ROBO1: variants seen among roughly 807,000 people sequenced by gnomAD.
ROBO1 encodes roundabout guidance receptor 1.
A neutral mutation model predicts 195.9 loss-of-function variants in ROBO1; 149 were observed. That is an observed-to-expected ratio of 0.76 (90% CI 0.67 to 0.87). The LOEUF is 0.87. Ranked by LOEUF, ROBO1 falls within the 40% of genes least tolerant of loss-of-function variation. ROBO1 has a pLI of 0.00. For synonymous variants in ROBO1, 816 were observed against 733.2 expected (o/e 1.11, Z -1.82); for missense variants, 1,933 against 2,068.3 (o/e 0.93, Z 1.27).
intron 3 of ROBO1, among the ~76,000 whole-genome samples, chr3:78,988,199 C>A (rs765559837): frequency 5.9e-5 from 9 of 152,034 alleles, no homozygotes; most frequent in Non-Finnish European, 1.0e-4. Context: ...CTTTTTCTCT[C>A]ATTCTTTTAC....
chr3:79,180,070 C>A (rs1444433797), intron 2 of ROBO1, among the ~76,000 whole-genome samples: 1 of 152,130 alleles, frequency 6.6e-6, no homozygotes, highest in East Asian at 1.9e-4. Flanking sequence ...TGCCTTGAGT[C>A]GTGACTTCTA....
chr3:79,711,983 A>G (rs1702296897), intron 1 of ROBO1, among the ~76,000 whole-genome samples: 1 of 151,954 alleles, frequency 6.6e-6, no homozygotes, highest in Non-Finnish European at 1.5e-5. Flanking sequence ...TTAATTGATC[A>G]ATGTTGTGTG....
intron 2 of ROBO1, among the ~76,000 whole-genome samples, chr3:79,387,717 G>A (rs1306022697): frequency 1.3e-5 from 2 of 151,956 alleles, no homozygotes; most frequent in Non-Finnish European, 2.9e-5. Flanking sequence ...TGTAATGAAA[G>A]GTAGTAAAAA....
At position 79,752,733 on chromosome 3, in the gene ROBO1, T is replaced by C. The variant is rs370237581; in HGVS notation, c.-51+15019A>G. On this transcript the variant is annotated intron_variant, in intron 1 of 30. Coordinates refer to ENST00000464233, the MANE Select transcript of ROBO1 (RefSeq NM_002941.4). ...AAGGAGAGGCTATAATTATGGAAAA[T>C]AGGTAGGGAGTCCGCTACAAAATTC... Among the ~76,000 whole-genome samples, 4 of 151,878 alleles carry C rather than the reference T, an allele frequency of 2.6e-5. No individual in the cohort carries two copies. In the East Asian group the frequency reaches 7.8e-4, roughly 29 times the overall value.
At chr3:79,306,383 A>ATTT (rs150184707) in intron 2 of ROBO1, among the ~76,000 whole-genome samples, 3 of 151,664 alleles carry the variant, frequency 2.0e-5, no homozygotes, top group African/African-American at 7.2e-5. Context: ...CAAGATATCA[A>ATTT]TTTTTTTTTA....
rs539318372 is a variant in ROBO1, at chr3:79,492,543, T to C, written c.88+97281A>G. Among the ~76,000 whole-genome samples, 4 of 151,796 alleles carry C rather than the reference T, an allele frequency of 2.6e-5. No individual in the cohort carries two copies. The South Asian group carries it at 8.3e-4, about 32-fold the overall frequency. The stretch of plus-strand genomic sequence containing the variant: ...AACTTAAAGATATAATATATAAATA[T>C]ACACACATAGGCATATGTAGGTATG... On this transcript the variant is annotated intron_variant, in intron 2 of 30. Coordinates refer to ENST00000464233, the MANE Select transcript of ROBO1 (RefSeq NM_002941.4).
At chr3:78,855,622 A>AT (rs1246714312) in intron 4 of ROBO1, among the ~76,000 whole-genome samples, 1 of 152,194 alleles carries the variant, frequency 6.6e-6, no homozygotes, top group Non-Finnish European at 1.5e-5. Context: ...TGCTTTACTT[A>AT]TTATTATGTG....
intron 2 of ROBO1, among the ~76,000 whole-genome samples, chr3:79,574,334 T>C (rs1943377857): frequency 6.6e-6 from 1 of 152,088 alleles, no homozygotes; most frequent in East Asian, 1.9e-4. Context: ...CTGTTTGTGT[T>C]TTTCGTGCAC....
intron 4 of ROBO1, among the ~76,000 whole-genome samples, chr3:78,791,710 T>C (rs148808746): frequency 4.5e-4 from 69 of 152,348 alleles, no homozygotes; most frequent in African/African-American, 1.6e-3. Context: ...TATACATCCA[T>C]TTCTTTATCC....
At chr3:79,546,583 G>C (rs1942272704) in intron 2 of ROBO1, among the ~76,000 whole-genome samples, 1 of 152,112 alleles carries the variant, frequency 6.6e-6, no homozygotes, top group Non-Finnish European at 1.5e-5. Context: ...ACTTTTCTCA[G>C]AAAAAGAAAG....
intron 3 of ROBO1, among the ~76,000 whole-genome samples, chr3:78,973,025 C>T (rs1576494041): frequency 6.6e-6 from 1 of 152,182 alleles, no homozygotes; most frequent in East Asian, 1.9e-4. Flanking sequence ...CCAGAGCACA[C>T]TGATGGCACT....
At chr3:78,608,488 T>C (rs1006070931) in intron 28 of ROBO1, among the ~76,000 whole-genome samples, 1 of 152,208 alleles carries the variant, frequency 6.6e-6, no homozygotes, top group Non-Finnish European at 1.5e-5. Flanking sequence ...ATTTTTTTAA[T>C]CAGTGCTATC....
intron 18 of ROBO1, 135 bp from the exon 19 acceptor site, chr3:78,652,064 C>A: frequency 1.4e-6 from 1 of 698,218 alleles, no homozygotes. Context: ...TCACCATCAT[C>A]AAATAAAATA....
intron 2 of ROBO1, among the ~76,000 whole-genome samples, chr3:79,274,071 C>A (rs541461839): frequency 7.2e-5 from 11 of 151,792 alleles, no homozygotes; most frequent in Non-Finnish European, 1.6e-4. Context: ...ATAGCTGGAG[C>A]CTTAAACACC....
chr3:79,090,004 A>G (rs2079447557), intron 3 of ROBO1, among the ~76,000 whole-genome samples: 1 of 149,652 alleles, frequency 6.7e-6, no homozygotes, highest in Non-Finnish European at 1.5e-5. Flanking sequence ...CAGTGGTGCA[A>G]TCTTGGCTCA....
At chr3:79,717,471 A>G (rs1235392858) in intron 1 of ROBO1, among the ~76,000 whole-genome samples, 3 of 152,042 alleles carry the variant, frequency 2.0e-5, no homozygotes, top group African/African-American at 7.2e-5. Context: ...TATGGCATGA[A>G]ATAAACATTA....
At chr3:79,495,622 T>G (rs1346830221) in intron 2 of ROBO1, among the ~76,000 whole-genome samples, 1 of 152,188 alleles carries the variant, frequency 6.6e-6, no homozygotes, top group African/African-American at 2.4e-5. Flanking sequence ...TGCTGATTTC[T>G]GCCATTCATT....
chr3:79,204,800 G>T (rs2081835678), intron 2 of ROBO1, among the ~76,000 whole-genome samples: 1 of 152,110 alleles, frequency 6.6e-6, no homozygotes, highest in Non-Finnish European at 1.5e-5. Context: ...ATGGGTTTGA[G>T]CATATTTCAT....
intron 2 of ROBO1, among the ~76,000 whole-genome samples, chr3:79,523,558 C>G (rs193151183): frequency 2.0e-5 from 3 of 150,122 alleles, no homozygotes; most frequent in African/African-American, 7.4e-5. Context: ...CTGCAACCTC[C>G]GCCTCCTGGA....
Sources: allele counts gnomAD v4.1 joint callset (sites outside exome capture counted in the v4.1 genomes callset), GRCh38; gene constraint gnomAD v4.1.1; transcripts MANE v1.5; gene names NCBI Gene and HGNC (gene_info 2026-07-23, HGNC 2026-07-21).